The following COL25A1 variants were observed in gnomAD, a reference collection of about 807,000 sequenced individuals.
COL25A1 encodes collagen type XXV alpha 1 chain.
Under a neutral mutation model 128.4 loss-of-function variants are expected in COL25A1, and 103 were observed. That is an observed-to-expected ratio of 0.80 (90% CI 0.68 to 0.94). The LOEUF (loss-of-function observed/expected upper bound fraction) is 0.94. COL25A1 is among the 40% of genes least tolerant of loss of function. The pLI, the probability that COL25A1 is intolerant of heterozygous loss-of-function variation, is 0.00. For missense variants in COL25A1, 745 were observed against 840.0 expected, an observed-to-expected ratio of 0.89 and a Z score of 1.40; for synonymous variants, 279 against 277.2, an observed-to-expected ratio of 1.01 and a Z score of -0.06.
intron 3 of COL25A1, among the ~76,000 whole-genome samples, chr4:109,151,799 T>G (rs1263010690): frequency 6.6e-6 from 1 of 152,182 alleles, no homozygotes; most frequent in Non-Finnish European, 1.5e-5. Flanking sequence ...GACCAACCTT[T>G]ATCTGATCTG....
chr4:109,167,603 T>C (rs1406206256), intron 3 of COL25A1, among the ~76,000 whole-genome samples: 1 of 152,148 alleles, frequency 6.6e-6, no homozygotes, highest in Non-Finnish European at 1.5e-5. Context: ...CTCTCTATTT[T>C]TCTAAAATCA....
intron 31 of COL25A1, among the ~76,000 whole-genome samples, chr4:108,835,969 T>G (rs1733761072): frequency 6.8e-6 from 1 of 146,008 alleles, no homozygotes; most frequent in Admixed American, 7.2e-5. Flanking sequence ...CCTCTCGGGT[T>G]TATGCCATTC....
At chr4:108,924,870 G>C (rs757857098) in intron 11 of COL25A1, among the ~76,000 whole-genome samples, 12 of 151,910 alleles carry the variant, frequency 7.9e-5, no homozygotes, top group African/African-American at 2.9e-4. Flanking sequence ...TCTAATCCCC[G>C]GTCCTCTCCT....
intron 8 of COL25A1, among the ~76,000 whole-genome samples, chr4:108,962,307 C>T (rs912584480): frequency 2.6e-5 from 4 of 152,050 alleles, no homozygotes; most frequent in Non-Finnish European, 4.4e-5. Context: ...CCTGCCTCAG[C>T]CTCCCAAGTA....
intron 11 of COL25A1, among the ~76,000 whole-genome samples, chr4:108,921,363 G>T (rs1336695783): frequency 6.6e-6 from 1 of 151,180 alleles, no homozygotes; most frequent in Non-Finnish European, 1.5e-5. Flanking sequence ...GCATGGCTTT[G>T]AGACAGTGGA....
chr4:109,293,120 T>G (rs17040290), intron 3 of COL25A1, among the ~76,000 whole-genome samples: 1 of 151,982 alleles, frequency 6.6e-6, no homozygotes, highest in South Asian at 2.1e-4. Context: ...GCTCCCAGCA[T>G]TGACCTAAGA....
intron 3 of COL25A1, among the ~76,000 whole-genome samples, chr4:109,061,755 C>T (rs1761994220): frequency 6.6e-6 from 1 of 152,162 alleles, no homozygotes; most frequent in Non-Finnish European, 1.5e-5. Flanking sequence ...CAGTTATTTC[C>T]TTACAGTTAA....
chr4:109,067,659 G>A (rs149221391), intron 3 of COL25A1, among the ~76,000 whole-genome samples: 6 of 152,248 alleles, frequency 3.9e-5, no homozygotes, highest in African/African-American at 1.4e-4. Flanking sequence ...TCTTTTCCAG[G>A]GAGTAGTTTA....
intron 3 of COL25A1, among the ~76,000 whole-genome samples, chr4:109,280,692 G>A (rs565827251): frequency 4.0e-5 from 6 of 150,488 alleles, no homozygotes; most frequent in East Asian, 2.0e-4. Flanking sequence ...TTGCTCTGTC[G>A]CCCAGGCTGG....
rs574705590 is a variant in COL25A1 at position 109,138,690 on chromosome 4, GTTTTTGT to G, written c.368-88518_368-88512del. 9.3e-3 allele frequency among the ~76,000 whole-genome samples: 1,401 copies of G among 150,854 alleles called. 8 individuals are homozygous for G. Among genetic ancestry groups the G allele is most frequent in the African/African-American group, 0.015 (608 of 41,312 alleles). Reference sequence around the variant, plus strand: ...TTGGTTGTTGTTGTTTTTTGTTTTTGTTTTTGTTTTTTGTTTTTTGTTTTTTGTTTTT... The same window carrying G: ...TTGGTTGTTGTTGTTTTTTGTTTTTGTTTTTGTTTTTTGTTTTTTGTTTTT... On this transcript the variant is annotated intron_variant, in intron 3 of 37. Transcript: ENST00000399132.
intron 8 of COL25A1, chr4:108,942,212 G>A: frequency 6.5e-7 from 1 of 1,550,212 alleles, no homozygotes; most frequent in South Asian, 1.2e-5. Context: ...CACAAACCTT[G>A]ACGGTGAGGA....
chr4:108,842,221 C>G (rs562457347), intron 30 of COL25A1, among the ~76,000 whole-genome samples: 279 of 151,998 alleles, frequency 1.8e-3, no homozygotes, highest in South Asian at 3.5e-3. Flanking sequence ...AGATGACACC[C>G]AAATTTTGGA....
intron 3 of COL25A1, among the ~76,000 whole-genome samples, chr4:109,079,504 C>A (rs1015067507): frequency 6.6e-6 from 1 of 152,080 alleles, no homozygotes; most frequent in Non-Finnish European, 1.5e-5. Flanking sequence ...AAAAATAACA[C>A]ATCGCCCTTA....
intron 13 of COL25A1, among the ~76,000 whole-genome samples, chr4:108,916,212 T>A (rs1317335005): frequency 6.6e-6 from 1 of 152,218 alleles, no homozygotes; most frequent in Non-Finnish European, 1.5e-5. Context: ...AATTACATTT[T>A]GCTGATACCT....
At chr4:108,980,909 G>C (rs1752913403) in intron 6 of COL25A1, among the ~76,000 whole-genome samples, 1 of 152,180 alleles carries the variant, frequency 6.6e-6, no homozygotes, top group Non-Finnish European at 1.5e-5. Context: ...AAACATCGAT[G>C]TTCACAATCT....
intron 6 of COL25A1, among the ~76,000 whole-genome samples, chr4:108,996,066 G>T (rs1210900741): frequency 6.6e-6 from 1 of 151,794 alleles, no homozygotes; most frequent in Non-Finnish European, 1.5e-5. Flanking sequence ...TCAACTAACG[G>T]GCAAAATAAC....
chr4:108,883,004 T>C (rs190863998), intron 19 of COL25A1, among the ~76,000 whole-genome samples: 5 of 152,196 alleles, frequency 3.3e-5, no homozygotes, highest in Admixed American at 1.3e-4. Context: ...TAAAACAGTA[T>C]ACACAACTCT....
chr4:108,952,125 T>C (rs891167896), intron 8 of COL25A1, among the ~76,000 whole-genome samples: 1 of 152,170 alleles, frequency 6.6e-6, no homozygotes, highest in African/African-American at 2.4e-5. Flanking sequence ...TGTCTCAATA[T>C]ATGGCAATCT....
intron 3 of COL25A1, among the ~76,000 whole-genome samples, chr4:109,193,942 G>T (rs1286010447): frequency 6.6e-6 from 1 of 152,116 alleles, no homozygotes; most frequent in Non-Finnish European, 1.5e-5. Flanking sequence ...CACTGAAAAG[G>T]GAGAGAAGAA....
Sources: gnomAD v4.1 joint callset for allele counts (sites outside exome capture counted in the v4.1 genomes callset) on GRCh38, gnomAD v4.1.1 for gene constraint, MANE v1.5 for transcripts, NCBI Gene and HGNC (gene_info 2026-07-23, HGNC 2026-07-21) for gene names.